The following FAT1 variants were observed in gnomAD, a reference collection of about 807,000 sequenced individuals.
The protein encoded by FAT1 is protocadherin Fat 1.
In FAT1, 171 loss-of-function variants were observed where a neutral mutation model predicts 329.8. The observed-to-expected ratio is 0.52, with a 90% CI of 0.46 to 0.59. The LOEUF (loss-of-function observed/expected upper bound fraction) is 0.59. Among genes scored for constraint, FAT1 ranks in the 20% least tolerant of loss-of-function variants. FAT1 has a pLI of 0.00. For synonymous variants in FAT1, 2,233 were observed against 2,228.6 expected (o/e 1.00, Z -0.06); for missense variants, 5,672 against 5,774.4 (o/e 0.98, Z 0.57).
At position 186,598,164 on chromosome 4, in the gene FAT1, A is replaced by G. The variant is rs767384858; in HGVS notation, c.12104-39T>C. The stretch of plus-strand genomic sequence containing the variant: ...AAGGAACAAAAAAGTCCTATCACTC[A>G]ATGACTCAGAAACCTGGTCTTAATT... On this transcript the variant is annotated intron_variant, in intron 22 of 26. Coordinates refer to ENST00000441802, the MANE Select transcript of FAT1 (RefSeq NM_005245.4). 6 of 1,551,180 alleles carry G rather than the reference A, an allele frequency of 3.9e-6. No individual in the cohort carries two copies. The East Asian group carries it at 1.4e-4, about 35-fold the overall frequency.
chr4:186,621,568 G>C lies in FAT1; in HGVS notation c.5018C>G (p.Ser1673Cys), dbSNP rs2126526515. The change falls in exon 10 of 27, where the codon TCT becomes TGT. Residue 1673 changes from serine to cysteine, a missense_variant. This residue lies in a region of FAT1 where 3,966 missense variants were observed against 3,915.2 expected (regional missense o/e 1.01). Transcript: ENST00000441802. Reference sequence around the variant, plus strand: ...GCTGACAGTTTCACTAAGTTCAACAGAATATTCTTTTGATGTAAACTTCGG... The same window carrying C: ...GCTGACAGTTTCACTAAGTTCAACACAATATTCTTTTGATGTAAACTTCGG... Reference protein sequence around the residue: ...ASPKFTSKEYSVELSETVSIG... With the variant: ...ASPKFTSKEYCVELSETVSIG... The C allele has an allele frequency of 6.2e-7, 1 of 1,614,010 alleles. No individual in the cohort carries two copies. Among genetic ancestry groups the C allele is most frequent in the Non-Finnish European group, 8.5e-7 (1 of 1,179,886 alleles).
intron 2 of FAT1, among the ~76,000 whole-genome samples, chr4:186,705,561 A>T (rs1410946034): frequency 6.6e-6 from 1 of 151,926 alleles, no homozygotes; most frequent in Non-Finnish European, 1.5e-5. Context: ...TCGCTCATTT[A>T]CTCCTGCAGT....
In FAT1 at chr4:186,619,194, G is replaced by A. The variant is rs757321386; in HGVS notation, c.7392C>T (p.Asn2464=). The part of the protein sequence containing the change: ...RHALKPFYSL[N]LSVSDGVFRS... Reference sequence around the variant, plus strand: ...TAAAAACTCCATCAGACACTGACAGGTTAAGACTGTAAAATGGCTTCAGGG... The same window carrying A: ...TAAAAACTCCATCAGACACTGACAGATTAAGACTGTAAAATGGCTTCAGGG... The change falls in exon 10 of 27, where the codon AAC becomes AAT. Residue 2464 remains asparagine (N), a synonymous_variant. Coordinates refer to ENST00000441802, the MANE Select transcript of FAT1 (RefSeq NM_005245.4). 12 of 1,613,848 alleles carry A rather than the reference G, an allele frequency of 7.4e-6. No homozygotes were observed. In the South Asian group the frequency reaches 1.2e-4, roughly 16 times the overall value.
In FAT1 at chr4:186,663,412, A is replaced by C. The variant is rs758344754; in HGVS notation, c.3467T>G (p.Val1156Gly). 3 of 1,613,928 alleles carry C rather than the reference A, an allele frequency of 1.9e-6. No homozygotes were observed. The highest frequency in any genetic ancestry group is 3.3e-5 in the Admixed American group (2 of 60,008). ...AAATGCCTCGATCTGGACCACAGAT[A>C]CATCTTTAGGAGAATTTTCCATGAT... ...PEIMENSPKD[V>G]SVVQIEAFDP... Residue 1156 changes from valine to glycine, a missense_variant, in exon 3 of 27, where the codon GTA (valine) becomes GGA (glycine). Coordinates refer to ENST00000441802, the MANE Select transcript of FAT1 (RefSeq NM_005245.4).
At chr4:186,658,594 C>T (rs1049686557) in intron 3 of FAT1, among the ~76,000 whole-genome samples, 3 of 152,180 alleles carry the variant, frequency 2.0e-5, no homozygotes, top group African/African-American at 7.2e-5. Flanking sequence ...AACAAATATT[C>T]TCTTTAACCC....
chr4:186,664,542 T>C (rs1334515187), intron 2 of FAT1, among the ~76,000 whole-genome samples: 1 of 152,152 alleles, frequency 6.6e-6, no homozygotes, highest in Non-Finnish European at 1.5e-5. Context: ...GATGAAATTA[T>C]ATGATTACAA....
In FAT1 at chr4:186,599,904, C is replaced by G. The variant is rs1738712935; in HGVS notation, c.12097G>C (p.Ala4033Pro). Residue 4033 changes from alanine (A) to proline (P), a missense_variant, in exon 22 of 27, where the codon GCT becomes CCT. This residue lies in a region of FAT1 where 1,706 missense variants were observed against 1,859.1 expected (regional missense o/e 0.92). Transcript: ENST00000441802. Reference protein sequence around the residue: ...QNGGVCNPSPAGGYYCKCSAL... With the variant: ...QNGGVCNPSPPGGYYCKCSAL... The stretch of plus-strand genomic sequence containing the variant: ...GCAACATTACGGAGCCCACCTCCAG[C>G]AGGTGACGGATTGCAAACGCCTCCA... 12 of 1,608,506 alleles carry G rather than the reference C, an allele frequency of 7.5e-6. No homozygotes were observed. The highest frequency in any genetic ancestry group is 8.5e-6 in the Non-Finnish European group (10 of 1,176,394).
At chr4:186,606,298 C>CAGT in intron 16 of FAT1, 85 bp from the exon 17 acceptor site, 7 of 1,449,558 alleles carry the variant, frequency 4.8e-6, no homozygotes, top group Non-Finnish European at 6.6e-6. Context: ...AGAGTCCTGA[C>CAGT]GGGCAGGTCC....
intron 3 of FAT1, among the ~76,000 whole-genome samples, chr4:186,655,330 T>G (rs1017993669): frequency 6.6e-6 from 1 of 152,148 alleles, no homozygotes; most frequent in Non-Finnish European, 1.5e-5. Flanking sequence ...AAAGTAAACA[T>G]TGGTTAGATA....
chr4:186,721,036 C>T (rs1745448207), intron 1 of FAT1, among the ~76,000 whole-genome samples: 1 of 152,172 alleles, frequency 6.6e-6, no homozygotes, highest in Non-Finnish European at 1.5e-5. Flanking sequence ...ATAGATAATG[C>T]CAGATCAGTG....
chr4:186,647,341 C>T (rs912266314), intron 3 of FAT1, among the ~76,000 whole-genome samples: 11 of 152,204 alleles, frequency 7.2e-5, no homozygotes, highest in African/African-American at 2.4e-4. Context: ...GCTACCAATA[C>T]ACACTACCTT....
At chr4:186,639,867 G>T (rs1435438068) in intron 3 of FAT1, 84 bp from the exon 4 acceptor site, 5 of 1,174,616 alleles carry the variant, frequency 4.3e-6, no homozygotes, top group Non-Finnish European at 5.1e-6. Context: ...TCTTGGCCAG[G>T]TGCGGTAGCT....
chr4:186,594,658 A>G (rs1331684281), intron 26 of FAT1, among the ~76,000 whole-genome samples: 1 of 117,850 alleles, frequency 8.5e-6, no homozygotes, highest in Non-Finnish European at 1.7e-5. Context: ...GAGTGTGTAT[A>G]TATATATATA....
intron 2 of FAT1, among the ~76,000 whole-genome samples, chr4:186,680,388 T>C (rs1432226190): frequency 1.3e-5 from 2 of 152,224 alleles, no homozygotes; most frequent in Non-Finnish European, 2.9e-5. Context: ...TGACTGAGTT[T>C]ATCATTGTTG....
At position 186,708,683 on chromosome 4, in the gene FAT1, G is replaced by A. The variant is rs2126698286; in HGVS notation, c.1145C>T (p.Pro382Leu). The A allele has an allele frequency of 6.2e-7, 1 of 1,613,852 alleles. No homozygotes were observed. Among genetic ancestry groups the A allele is most frequent in the Non-Finnish European group, 8.5e-7 (1 of 1,179,902 alleles). Reference protein sequence around the residue: ...YRAEISEFAPPNTPVVMVKAI... With the variant: ...YRAEISEFAPLNTPVVMVKAI... Reference sequence around the variant, plus strand: ...CTTTACCATGACCACAGGTGTGTTGGGAGGAGCAAATTCACTTATTTCTGC... The same window carrying A: ...CTTTACCATGACCACAGGTGTGTTGAGAGGAGCAAATTCACTTATTTCTGC... The change falls in exon 2 of 27, where the codon CCC becomes CTC. Residue 382 changes from proline (P) to leucine (L), a missense_variant. Pro to Leu is a moderately conservative substitution (Grantham distance 98, BLOSUM62 -3). Transcript: ENST00000441802.
At position 186,636,763 on chromosome 4, in the gene FAT1, T is replaced by C; in HGVS notation, c.3794A>G (p.Asn1265Ser). The C allele has an allele frequency of 6.2e-7, 1 of 1,614,012 alleles. No individual in the cohort carries two copies. The highest frequency in any genetic ancestry group is 8.5e-7 in the Non-Finnish European group (1 of 1,179,882). Reference protein sequence around the residue: ...PEREKPDRERNARREPLYHVI... With the variant: ...PEREKPDRERSARREPLYHVI... ...GTGATAGAGCGGCTCCCGTCTGGCA[T>C]TTCTTTCTCGGTCTGGCTTTTCCCG... Residue 1265 changes from asparagine (N) to serine (S), a missense_variant, in exon 5 of 27, where the codon AAT (asparagine) becomes AGT (serine). By Grantham distance (46) the Asn-to-Ser change is conservative. Coordinates refer to ENST00000441802, the MANE Select transcript of FAT1 (RefSeq NM_005245.4).
At chr4:186,601,911 A>G (rs1738834704) in intron 20 of FAT1, among the ~76,000 whole-genome samples, 1 of 152,242 alleles carries the variant, frequency 6.6e-6, no homozygotes, top group Non-Finnish European at 1.5e-5. Flanking sequence ...AAATCAAAAG[A>G]TAACATCAAT....
At chr4:186,696,992 C>G (rs1316724721) in intron 2 of FAT1, among the ~76,000 whole-genome samples, 1 of 152,134 alleles carries the variant, frequency 6.6e-6, no homozygotes, top group Non-Finnish European at 1.5e-5. Flanking sequence ...CACTGCAACT[C>G]GACTCTGGCC....
Position 186,708,390 on chromosome 4 carries a change from T to G in FAT1, c.1438A>C (p.Thr480Pro), listed in dbSNP as rs773367684. The G allele has an allele frequency of 2.5e-6, 4 of 1,613,958 alleles. No individual in the cohort carries two copies. The highest frequency in any genetic ancestry group is 3.4e-6 in the Non-Finnish European group (4 of 1,179,874). ...ACGGCACTCAGGCTCATGACAGTAG[T>G]ACCAATGGGCACGTTCTCATCAAAA... The part of the protein sequence containing the change: ...AAFDENVPIG[T>P]TVMSLSAVDP... The change falls in exon 2 of 27, where the codon ACT (threonine) becomes CCT (proline). Residue 480 changes from threonine (T) to proline (P), a missense_variant. This residue lies in a region of FAT1 where 3,966 missense variants were observed against 3,915.2 expected (regional missense o/e 1.01). Transcript: ENST00000441802.
Sources: allele counts gnomAD v4.1 joint callset (sites outside exome capture counted in the v4.1 genomes callset), GRCh38; gene constraint gnomAD v4.1.1; regional missense constraint gnomAD v4.1.1; transcripts MANE v1.5; gene names NCBI Gene and HGNC (gene_info 2026-07-23, HGNC 2026-07-21).